The following DGKB variants were observed in gnomAD, a reference collection of about 807,000 sequenced individuals.
DGKB encodes 90 kDa diacylglycerol kinase.
Under a neutral mutation model 114.3 loss-of-function variants are expected in DGKB, and 67 were observed. The observed-to-expected ratio is 0.59, with a 90% CI of 0.48 to 0.72. DGKB has a LOEUF of 0.72. Among genes scored for constraint, DGKB ranks in the 30% least tolerant of loss-of-function variants. The pLI, the probability that DGKB is intolerant of heterozygous loss-of-function variation, is 0.00. For missense variants in DGKB, 907 were observed against 975.2 expected, an observed-to-expected ratio of 0.93 and a Z score of 0.93; for synonymous variants, 398 against 323.1, an observed-to-expected ratio of 1.23 and a Z score of -2.49.
chr7:14,600,466 T>C (rs1803343684), intron 17 of DGKB, among the ~76,000 whole-genome samples: 1 of 152,158 alleles, frequency 6.6e-6, no homozygotes, highest in Non-Finnish European at 1.5e-5. Context: ...ATTTCCAGCA[T>C]CAACTAAAAA....
At chr7:14,279,586 C>T (rs781385211) in intron 23 of DGKB, among the ~76,000 whole-genome samples, 1 of 152,158 alleles carries the variant, frequency 6.6e-6, no homozygotes, top group Non-Finnish European at 1.5e-5. Context: ...TTGGCCCCCA[C>T]TCTCTTCTGG....
At chr7:14,930,221 T>C (rs1302930299) in intron 1 of DGKB, among the ~76,000 whole-genome samples, 3 of 152,146 alleles carry the variant, frequency 2.0e-5, no homozygotes, top group Non-Finnish European at 2.9e-5. Context: ...TTTGGTTCCA[T>C]ATGAATTTTA....
At position 14,890,832 on chromosome 7, in the gene DGKB, A is replaced by C. The variant is rs796349516; in HGVS notation, c.-188+11760T>G. On this transcript the variant is annotated intron_variant, in intron 1 of 25. Transcript: ENST00000402815. ...CCCTCCTCTTTATATCCAGGTTCAC[A>C]ATCTGAATACCCATGACCAATTCAC... is the stretch of plus-strand genomic sequence containing the variant. Among the ~76,000 whole-genome samples the C allele has an allele frequency of 3.3e-5, 5 of 150,682 alleles. No individual in the cohort carries two copies. In the South Asian group the frequency reaches 1.0e-3, roughly 32 times the overall value.
intron 2 of DGKB, among the ~76,000 whole-genome samples, chr7:14,759,972 T>G (rs1333250217): frequency 6.6e-6 from 1 of 152,198 alleles, no homozygotes. Flanking sequence ...TGTGAAATGA[T>G]TCGACTCACA....
At chr7:14,928,144 T>C (rs1272942981) in intron 1 of DGKB, among the ~76,000 whole-genome samples, 1 of 152,010 alleles carries the variant, frequency 6.6e-6, no homozygotes, top group Non-Finnish European at 1.5e-5. Flanking sequence ...ATAAATATGC[T>C]AAAATATAGA....
chr7:14,854,594 C>A (rs1306274905), intron 1 of DGKB, among the ~76,000 whole-genome samples: 3 of 152,152 alleles, frequency 2.0e-5, no homozygotes, highest in Admixed American at 6.5e-5. Flanking sequence ...CTATGAGAAT[C>A]TAATGCGGCT....
chr7:14,379,898 TGTTGGG>T (rs1819155818), intron 21 of DGKB, among the ~76,000 whole-genome samples: 2 of 132,758 alleles, frequency 1.5e-5, no homozygotes, highest in African/African-American at 2.7e-5. Context: ...TCTCCCAAAG[TGTTGGG>T]ATTACAGGCG....
At chr7:14,845,455 A>G (rs1848512176) in intron 1 of DGKB, among the ~76,000 whole-genome samples, 1 of 152,258 alleles carries the variant, frequency 6.6e-6, no homozygotes, top group South Asian at 2.1e-4. Flanking sequence ...AAAAAGGACA[A>G]AACACCTAAA....
intron 6 of DGKB, among the ~76,000 whole-genome samples, chr7:14,714,026 C>G (rs991747262): frequency 1.3e-5 from 2 of 151,600 alleles, no homozygotes; most frequent in African/African-American, 2.4e-5. Context: ...TACCCATTGA[C>G]TTTAATACAC....
intron 1 of DGKB, among the ~76,000 whole-genome samples, chr7:14,955,922 G>C (rs947015636): frequency 4.6e-5 from 7 of 151,912 alleles, no homozygotes; most frequent in African/African-American, 1.7e-4. Flanking sequence ...TAACTACCTT[G>C]TAAGAACTAC....
At chr7:14,582,454 T>C (rs1328460668) in intron 18 of DGKB, among the ~76,000 whole-genome samples, 1 of 152,206 alleles carries the variant, frequency 6.6e-6, no homozygotes, top group Non-Finnish European at 1.5e-5. Flanking sequence ...AACTGTGCAT[T>C]CTAATCTCAG....
At chr7:14,791,528 T>C (rs1840662928) in intron 2 of DGKB, among the ~76,000 whole-genome samples, 1 of 111,562 alleles carries the variant, frequency 9.0e-6, no homozygotes, top group African/African-American at 7.1e-5. Flanking sequence ...TTTACCATTA[T>C]GTAGATGTTA....
At chr7:14,866,580 A>G (rs1360208560) in intron 1 of DGKB, among the ~76,000 whole-genome samples, 1 of 152,168 alleles carries the variant, frequency 6.6e-6, no homozygotes, top group African/African-American at 2.4e-5. Context: ...TCTTTTTAGC[A>G]CTGAATAATA....
chr7:14,788,849 G>C (rs917088616), intron 2 of DGKB, among the ~76,000 whole-genome samples: 1 of 152,000 alleles, frequency 6.6e-6, no homozygotes, highest in Non-Finnish European at 1.5e-5. Flanking sequence ...TAATCTGTTG[G>C]CCTTGTGATG....
intron 21 of DGKB, among the ~76,000 whole-genome samples, chr7:14,449,263 G>A (rs1831140655): frequency 6.6e-6 from 1 of 152,068 alleles, no homozygotes; most frequent in Non-Finnish European, 1.5e-5. Context: ...AGTGTTAAAT[G>A]TGGAAAACAT....
At chr7:14,274,942 A>AGT (rs10538591) in intron 23 of DGKB, among the ~76,000 whole-genome samples, 7,200 of 146,354 alleles carry the variant, frequency 0.049, 189 homozygotes, top group Middle Eastern at 0.077. Flanking sequence ...AGTCCATAGC[A>AGT]GTGTGTGTGT....
chr7:14,559,319 C>A (rs1006706702), intron 20 of DGKB, among the ~76,000 whole-genome samples: 1 of 152,138 alleles, frequency 6.6e-6, no homozygotes, highest in Non-Finnish European at 1.5e-5. Context: ...CATGTTATGT[C>A]TCTAAAGTCC....
intron 25 of DGKB, among the ~76,000 whole-genome samples, chr7:14,170,263 T>A (rs1780798681): frequency 6.6e-6 from 1 of 152,068 alleles, no homozygotes; most frequent in African/African-American, 2.4e-5. Flanking sequence ...ATTAAGAGAT[T>A]AAAACCCAAT....
At chr7:14,652,540 A>G (rs1160705227) in intron 13 of DGKB, among the ~76,000 whole-genome samples, 2 of 152,050 alleles carry the variant, frequency 1.3e-5, no homozygotes, top group African/African-American at 4.8e-5. Flanking sequence ...CTAAAACCAT[A>G]AAAACCCTAG....
Sources: gnomAD v4.1 joint callset for allele counts (sites outside exome capture counted in the v4.1 genomes callset) on GRCh38, gnomAD v4.1.1 for gene constraint, MANE v1.5 for transcripts, NCBI Gene and HGNC (gene_info 2026-07-23, HGNC 2026-07-21) for gene names.